The following URB1 variants were observed in gnomAD, a reference collection of about 807,000 sequenced individuals.
The protein encoded by URB1 is URB1 ribosome biogenesis factor.
Under a neutral mutation model 242.3 loss-of-function variants are expected in URB1, and 197 were observed. That is an observed-to-expected ratio of 0.81 (90% confidence interval 0.72 to 0.91). The LOEUF (loss-of-function observed/expected upper bound fraction) is 0.91, where lower values mean the gene tolerates loss of function less well. URB1 is among the 40% of genes least tolerant of loss of function. URB1 has a pLI of 0.00. For missense variants in URB1, 2,721 were observed against 2,860.5 expected, an observed-to-expected ratio of 0.95 and a Z score of 1.11; for synonymous variants, 1,153 against 1,201.8, an observed-to-expected ratio of 0.96 and a Z score of 0.84.
At position 32,317,064 on chromosome 21, in the gene URB1, T is replaced by A. The variant is rs1432834888; in HGVS notation, c.6036A>T (p.Lys2012Asn). The A allele has an allele frequency of 1.3e-5, 20 of 1,528,002 alleles. 1 individual carries two copies. Among genetic ancestry groups the A allele is most frequent in the Non-Finnish European group, 1.8e-5 (20 of 1,137,548 alleles). The allele number at this position is 1,528,002 out of a possible 1,614,324, so 94.7% of individuals were successfully genotyped here. Residue 2012 changes from lysine to asparagine, a missense_variant and splice_region_variant, in exon 38 of 39, where the codon AAA becomes AAT. By Grantham distance (94) the Lys-to-Asn change is moderately conservative (BLOSUM62 0). Transcript: ENST00000382751. Reference sequence around the variant, plus strand: ...CAGGCTTGTTCTTATCCTTGAGCATTTCTGTTAAATGCACAAAGAGAAGGT... The same window carrying A: ...CAGGCTTGTTCTTATCCTTGAGCATATCTGTTAAATGCACAAAGAGAAGGT... ...IEKAQARELMKMLKDKNKPVM... is the reference protein window; with the variant it reads ...IEKAQARELMNMLKDKNKPVM...
rs2282100 is a variant in URB1, at chr21:32,330,994, T to C, written c.4960+2323A>G. Among the ~76,000 whole-genome samples, 153 of 152,298 alleles carry C rather than the reference T, an allele frequency of 1.0e-3. No individual in the cohort carries two copies. The East Asian group carries it at 0.021, about 21-fold the overall frequency. On this transcript the variant is annotated intron_variant, in intron 30 of 38. Transcript: ENST00000382751. Reference sequence around the variant, plus strand: ...GGATACAAAGGGCACTGATAGAGGATTGGCAAATCTATTCAGAAGTAGGAG... The same window carrying C: ...GGATACAAAGGGCACTGATAGAGGACTGGCAAATCTATTCAGAAGTAGGAG...
Position 32,311,803 on chromosome 21 carries a change from G to A in URB1, c.*3115C>T. 2 of 1,614,060 alleles carry A rather than the reference G, an allele frequency of 1.2e-6. No individual in the cohort carries two copies. The highest frequency in any genetic ancestry group is 1.7e-6 in the Non-Finnish European group (2 of 1,180,036). ...CTGGCAACCTCACAGGCTCAGGCGA[G>A]CTCAGTGGAGCCAGGGAGCAGAACT... On this transcript the variant is annotated 3_prime_UTR_variant, in exon 39 of 39. Transcript: ENST00000382751.
At chr21:32,380,850 G>A (rs2033514952) in intron 4 of URB1, among the ~76,000 whole-genome samples, 1 of 152,132 alleles carries the variant, frequency 6.6e-6, no homozygotes, top group South Asian at 2.1e-4. Context: ...TGGGAGTCAG[G>A]GCCCTGGAAT....
chr21:32,341,500 C>T lies in URB1; in HGVS notation c.4282G>A (p.Gly1428Ser), dbSNP rs1199575621. ...LLHALNEVDP[G>S]DWQKFVKKGL... ...TTCTTCACGAATTTCTGCCAGTCAC[C>T]AGGATCAACTTCATTAAGTGCATGC... Residue 1428 changes from glycine to serine, a missense_variant, in exon 25 of 39, where the codon GGT becomes AGT. Physicochemically the swap from Gly to Ser is moderately conservative, Grantham distance 56. Coordinates refer to ENST00000382751, the MANE Select transcript of URB1 (RefSeq NM_014825.3). 1.3e-6 allele frequency: 2 copies of T among 1,551,458 alleles called. No homozygotes were observed. Among genetic ancestry groups the T allele is most frequent in the African/African-American group, 1.4e-5 (1 of 73,140 alleles).
intron 25 of URB1, among the ~76,000 whole-genome samples, chr21:32,339,544 G>C (rs992636235): frequency 6.8e-6 from 1 of 147,934 alleles, no homozygotes; most frequent in Admixed American, 6.8e-5. Context: ...AGGCTGGAGT[G>C]CAGTGGCATG....
rs777344760 is a variant in URB1 at position 32,320,512 on chromosome 21, G to A, written c.5594+19C>T. 27 of 1,509,166 alleles carry A rather than the reference G, an allele frequency of 1.8e-5. No individual in the cohort carries two copies. The highest frequency in any genetic ancestry group is 1.7e-4 in the Middle Eastern group (1 of 5,942). 93.5% of individuals were successfully genotyped at this position (1,509,166 alleles called of 1,614,324 possible). ...TTCCTTCCCACCTGACGCGCACCTC[G>A]CATGCAAAAGGTACTTACTTGCTTT... On this transcript the variant is annotated intron_variant, in intron 35 of 38. Coordinates refer to ENST00000382751, the MANE Select transcript of URB1 (RefSeq NM_014825.3).
chr21:32,391,532 G>C (rs1278489067), intron 1 of URB1, among the ~76,000 whole-genome samples: 1 of 152,104 alleles, frequency 6.6e-6, no homozygotes, highest in Non-Finnish European at 1.5e-5. Context: ...ATATCTGCCT[G>C]CCCCACTCGA....
At chr21:32,330,674 A>G (rs1345601666) in intron 30 of URB1, among the ~76,000 whole-genome samples, 1 of 152,232 alleles carries the variant, frequency 6.6e-6, no homozygotes, top group African/African-American at 2.4e-5. Flanking sequence ...TTTGATGAGT[A>G]ACAGATTTAG....
In URB1 at chr21:32,374,950, G is replaced by A. The variant is rs1244170557; in HGVS notation, c.750+448C>T. Among the ~76,000 whole-genome samples, 5 of 152,308 alleles carry A rather than the reference G, an allele frequency of 3.3e-5. No homozygotes were observed. The East Asian group carries it at 7.7e-4, about 24-fold the overall frequency. ...GAGGGTCATAGTTTTTCTTACTGAT[G>A]ATTTAAAGTGTTTCTGTATTAAAGG... On this transcript the variant is annotated intron_variant, in intron 6 of 38. Coordinates refer to ENST00000382751, the MANE Select transcript of URB1 (RefSeq NM_014825.3).
At chr21:32,336,594 C>T (rs1430480385) in intron 28 of URB1, among the ~76,000 whole-genome samples, 1 of 152,150 alleles carries the variant, frequency 6.6e-6, no homozygotes, top group Non-Finnish European at 1.5e-5. Context: ...GCCCACCTGA[C>T]CAAAAGACTG....
At chr21:32,336,152 A>C (rs2032956621) in intron 28 of URB1, among the ~76,000 whole-genome samples, 1 of 152,024 alleles carries the variant, frequency 6.6e-6, no homozygotes, top group Non-Finnish European at 1.5e-5. Flanking sequence ...AGAAAGGAAA[A>C]GAGCTTCTAT....
In URB1 at chr21:32,313,693, C is replaced by T. The variant is rs375541143; in HGVS notation, c.*1225G>A. 3.9e-5 allele frequency: 6 copies of T among 152,114 alleles called. No homozygotes were observed. The highest frequency in any genetic ancestry group is 8.8e-5 in the Non-Finnish European group (6 of 68,038). The allele number at this position is 152,114 out of a possible 1,614,324, so 9.4% of individuals were successfully genotyped here. ...AGACAAAACCAAGGCATTGTCAGCA[C>T]GATGTACATTATACGGCAGATAAAA... On this transcript the variant is annotated 3_prime_UTR_variant, in exon 39 of 39. Transcript: ENST00000382751.
At chr21:32,366,820 T>A in intron 9 of URB1, 65 bp from the exon 10 acceptor site, 1 of 1,512,606 alleles carries the variant, frequency 6.6e-7, no homozygotes, top group Non-Finnish European at 8.9e-7. Flanking sequence ...AGACTAGCTG[T>A]AGGCACCCAA....
intron 29 of URB1, 136 bp from the exon 30 acceptor site, chr21:32,333,555 T>C: frequency 5.8e-6 from 4 of 692,096 alleles, no homozygotes; most frequent in Non-Finnish European, 7.2e-6. Context: ...ATGAGATATC[T>C]TGGGGATGGG....
intron 1 of URB1, among the ~76,000 whole-genome samples, chr21:32,386,562 T>C (rs1286806570): frequency 6.6e-6 from 1 of 152,116 alleles, no homozygotes; most frequent in Non-Finnish European, 1.5e-5. Context: ...ATGAAGGCAA[T>C]AAGGAATGAG....
chr21:32,337,276 G>A, intron 27 of URB1, 119 bp from the exon 28 acceptor site: 1 of 1,337,166 alleles, frequency 7.5e-7, no homozygotes, highest in East Asian at 2.5e-5. Flanking sequence ...TCTTCACCCT[G>A]CTTGCACCGC....
In URB1 at chr21:32,361,904, C is replaced by T. The variant is rs1664085291; in HGVS notation, c.1627G>A (p.Ala543Thr). 1.3e-6 allele frequency: 2 copies of T among 1,551,100 alleles called. No homozygotes were observed. Among genetic ancestry groups the T allele is most frequent in the South Asian group, 2.4e-5 (2 of 84,038 alleles). Residue 543 changes from alanine to threonine, a missense_variant, in exon 12 of 39, where the codon GCT (alanine) becomes ACT (threonine). By Grantham distance (58) the Ala-to-Thr change is moderately conservative. Transcript: ENST00000382751. ...CCTGAGACCTTACCGCACTGGTGAG[C>T]ATCGCAGGCAGCCGGGGGCCCATCG... ...RSDGPPAACD[A>T]HQCDDAETIL...
Position 32,337,475 on chromosome 21 carries a change from C to A in URB1, c.4550G>T (p.Cys1517Phe). Residue 1517 changes from cysteine to phenylalanine, a missense_variant, in exon 27 of 39, where the codon TGC (cysteine) becomes TTC (phenylalanine). Transcript: ENST00000382751. ...GTGGCTGCTCTCACAGACAGAGGGG[C>A]ACATCTCCACCACCGTCAGCATCAG... ...VDLMLTVVEM[C>F]PSVCESSHFA... 1 of 1,551,220 alleles carries A rather than the reference C, an allele frequency of 6.4e-7. No homozygotes were observed. Among genetic ancestry groups the A allele is most frequent in the Non-Finnish European group, 8.7e-7 (1 of 1,146,748 alleles).
At position 32,347,404 on chromosome 21, in the gene URB1, G is replaced by C; in HGVS notation, c.3420C>G (p.Pro1140=). 1 of 1,551,506 alleles carries C rather than the reference G, an allele frequency of 6.4e-7. No homozygotes were observed. The highest frequency in any genetic ancestry group is 2.4e-5 in the East Asian group (1 of 40,912). The part of the protein sequence containing the change: ...LPETHLVTQQ[P]TKSPGKERHL... ...GTCTTTCCTTCCCGGGGGATTTCGT[G>C]GGTTGCTGGGTCACCAGGTGTGTCT... is the stretch of plus-strand genomic sequence containing the variant. Residue 1140 remains proline (P), a synonymous_variant, in exon 22 of 39, where the codon CCC becomes CCG. Transcript: ENST00000382751.
Sources: allele counts gnomAD v4.1 joint callset (sites outside exome capture counted in the v4.1 genomes callset), GRCh38; gene constraint gnomAD v4.1.1; transcripts MANE v1.5; gene names NCBI Gene and HGNC (gene_info 2026-07-23, HGNC 2026-07-21).